Variants in FANCG observed in about 807,000 individuals in gnomAD.
FANCG encodes FA complementation group G.
FANCG carries 67 observed loss-of-function variants against 73.3 expected under a neutral mutation model. The observed-to-expected ratio is 0.91, with a 90% CI of 0.75 to 1.12. The LOEUF (loss-of-function observed/expected upper bound fraction) is 1.12, where lower values mean the gene tolerates loss of function less well. Ranked by LOEUF, FANCG falls within the 50% of genes most tolerant of loss-of-function variation. The pLI is 0.00. For missense variants in FANCG, 643 were observed against 735.6 expected, an observed-to-expected ratio of 0.87 and a Z score of 1.46; for synonymous variants, 297 against 311.6, an observed-to-expected ratio of 0.95 and a Z score of 0.49.
At chr9:35,075,348 G>T in intron 10 of FANCG, 23 bp from the exon 11 acceptor site, 1 of 1,613,982 alleles carries the variant, frequency 6.2e-7, no homozygotes, top group Non-Finnish European at 8.5e-7. Flanking sequence ...ACAGAACAGG[G>T]GTGAAGAGGA....
chr9:35,075,346 G>C, intron 10 of FANCG, 21 bp from the exon 11 acceptor site: 1 of 1,614,108 alleles, frequency 6.2e-7, no homozygotes, highest in Non-Finnish European at 8.5e-7. Context: ...ACACAGAACA[G>C]GGGTGAAGAG....
Position 35,078,300 on chromosome 9 carries a change from C to T in FANCG, c.351G>A (p.Gly117=), listed in dbSNP as rs1829123308. ...QEQQGPRLEQ[G]LRELWDSVLR... Reference sequence around the variant, plus strand: ...GGACAGAGTCCCACAGCTCCCTGAGCCCCTGTTCCAACCTGGGCCCCTGCT... The same window carrying T: ...GGACAGAGTCCCACAGCTCCCTGAGTCCCTGTTCCAACCTGGGCCCCTGCT... Residue 117 remains glycine, a synonymous_variant, in exon 4 of 14, where the codon GGG becomes GGA. Coordinates refer to ENST00000378643, the MANE Select transcript of FANCG (RefSeq NM_004629.2). The T allele has an allele frequency of 6.2e-7, 1 of 1,613,964 alleles. No homozygotes were observed. Among genetic ancestry groups the T allele is most frequent in the Non-Finnish European group, 8.5e-7 (1 of 1,180,026 alleles).
chr9:35,074,420 A>T lies in FANCG; in HGVS notation c.1711T>A (p.Trp571Arg), dbSNP rs1296105502. 2 of 1,614,086 alleles carry T rather than the reference A, an allele frequency of 1.2e-6. No individual in the cohort carries two copies. The highest frequency in any genetic ancestry group is 1.3e-5 in the African/African-American group (1 of 74,938). Residue 571 changes from tryptophan (W) to arginine (R), a missense_variant, in exon 13 of 14, where the codon TGG becomes AGG. By Grantham distance (101) the Trp-to-Arg change is moderately radical. Transcript: ENST00000378643. The part of the protein sequence containing the change: ...LDRRDEATAL[W>R]WRLEAQTKGS... The stretch of plus-strand genomic sequence containing the variant: ...TTAGTTTGGGCCTCCAGCCTCCACC[A>T]GAGTGCAGTGGCCTCATCCCTCCGA...
intron 4 of FANCG, chr9:35,077,848 C>A: frequency 2.1e-6 from 1 of 480,734 alleles, no homozygotes; most frequent in Non-Finnish European, 3.8e-6. Context: ...TCACAACTCA[C>A]TGTTGCCTCC....
rs1351998495 is a variant in FANCG, at chr9:35,077,004, C to T, written c.744G>A (p.Val248=). 2 of 1,614,254 alleles carry T rather than the reference C, an allele frequency of 1.2e-6. No individual in the cohort carries two copies. Among genetic ancestry groups the T allele is most frequent in the African/African-American group, 1.3e-5 (1 of 75,056 alleles). Residue 248 remains valine (V), a synonymous_variant, in exon 6 of 14, where the codon GTG becomes GTA. Transcript: ENST00000378643. The part of the protein sequence containing the change: ...GLCPRPVLVQ[V]YTALGSCHRK... The stretch of plus-strand genomic sequence containing the variant: ...GGTGACAGGACCCCAGTGCTGTGTA[C>T]ACCTGGACCAACACAGGCCGTGGAC...
Position 35,075,065 on chromosome 9 carries a change from C to T in FANCG, c.1498G>A (p.Glu500Lys), listed in dbSNP as rs906734281. Reference sequence around the variant, plus strand: ...GCCGCATCTGACTTACATCCCTGCTCACAGTTGAAAGCTGCCCCTGGGGAC... The same window carrying T: ...GCCGCATCTGACTTACATCCCTGCTTACAGTTGAAAGCTGCCCCTGGGGAC... The part of the protein sequence containing the change: ...EKEQGAAFNC[E>K]QGCKSDAALQ... Residue 500 changes from glutamate (E) to lysine (K), a missense_variant, in exon 12 of 14, where the codon GAG becomes AAG. Physicochemically the swap from Glu to Lys is moderately conservative, Grantham distance 56 (BLOSUM62 1). Coordinates refer to ENST00000378643, the MANE Select transcript of FANCG (RefSeq NM_004629.2). The T allele has an allele frequency of 3.0e-5, 48 of 1,614,030 alleles. No individual in the cohort carries two copies. Among genetic ancestry groups the T allele is most frequent in the Non-Finnish European group, 3.8e-5 (45 of 1,180,040 alleles).
rs1829146592 is a variant in FANCG at position 35,079,583 on chromosome 9, G to A, written c.-59C>T. ...GACTTAGGAAGGGTGAAGCTGGCCT[G>A]CCCAAGCTCCCAACCCCAGCGGGGA... On this transcript the variant is annotated 5_prime_UTR_variant, in exon 1 of 14. Coordinates refer to ENST00000378643, the MANE Select transcript of FANCG (RefSeq NM_004629.2). 2 of 1,565,984 alleles carry A rather than the reference G, an allele frequency of 1.3e-6. No homozygotes were observed. Among genetic ancestry groups the A allele is most frequent in the Admixed American group, 3.3e-5 (2 of 59,968 alleles).
At chr9:35,079,333 G>A in intron 1 of FANCG, 92 bp from the exon 2 acceptor site, 1 of 1,550,420 alleles carries the variant, frequency 6.4e-7, no homozygotes, top group South Asian at 1.1e-5. Flanking sequence ...GTCATTTCTG[G>A]CTCTTTGGTC....
chr9:35,074,781 G>A, intron 12 of FANCG, 146 bp downstream of exon 12: 1 of 1,064,998 alleles, frequency 9.4e-7, no homozygotes, highest in South Asian at 1.3e-5. Context: ...TTGAACACCT[G>A]GATATATCCC....
In FANCG at chr9:35,074,454, C is replaced by T. The variant is rs779403243; in HGVS notation, c.1677G>A (p.Lys559=). 2.0e-5 allele frequency: 32 copies of T among 1,614,076 alleles called. No individual in the cohort carries two copies. The Middle Eastern group carries it at 3.8e-3, about 191-fold the overall frequency. ...TGGCCTCATCCCTCCGATCTAGCCTCTTCAGAGTCTGAAGCAGGTGAAAGT... is the reference window on the plus strand; with the variant it reads ...TGGCCTCATCCCTCCGATCTAGCCTTTTCAGAGTCTGAAGCAGGTGAAAGT... ...DTYFHLLQTL[K]RLDRRDEATA... The change falls in exon 13 of 14, where the codon AAG becomes AAA. Residue 559 remains lysine, a synonymous_variant. Transcript: ENST00000378643.
intron 12 of FANCG, 105 bp downstream of exon 12, chr9:35,074,822 C>T (rs1020462864): frequency 4.2e-6 from 6 of 1,425,468 alleles, no homozygotes; most frequent in Middle Eastern, 3.5e-4. Context: ...CCAATCACCC[C>T]TCCTGTCTGA....
chr9:35,074,438 C>T lies in FANCG; in HGVS notation c.1693G>A (p.Asp565Asn). The change falls in exon 13 of 14, where the codon GAT (aspartate) becomes AAT (asparagine). Residue 565 changes from aspartate (D) to asparagine (N), a missense_variant. By Grantham distance (23) the Asp-to-Asn change is conservative. Transcript: ENST00000378643. ...CTCCACCAGAGTGCAGTGGCCTCATCCCTCCGATCTAGCCTCTTCAGAGTC... is the reference window on the plus strand; with the variant it reads ...CTCCACCAGAGTGCAGTGGCCTCATTCCTCCGATCTAGCCTCTTCAGAGTC... ...LQTLKRLDRR[D>N]EATALWWRLE... The T allele has an allele frequency of 1.9e-6, 3 of 1,614,168 alleles. No homozygotes were observed. Among genetic ancestry groups the T allele is most frequent in the Non-Finnish European group, 2.5e-6 (3 of 1,180,030 alleles).
At chr9:35,078,461 T>C in intron 3 of FANCG, 118 bp from the exon 4 acceptor site, 5 of 1,507,552 alleles carry the variant, frequency 3.3e-6, no homozygotes, top group Non-Finnish European at 4.6e-6. Context: ...ACAATAATAA[T>C]ACCTCAACCT....
At position 35,077,105 on chromosome 9, in the gene FANCG, A is replaced by G. The variant is rs1436051790; in HGVS notation, c.647-4T>C. The G allele has an allele frequency of 6.2e-7, 1 of 1,614,146 alleles. No individual in the cohort carries two copies. Among genetic ancestry groups the G allele is most frequent in the South Asian group, 1.1e-5 (1 of 91,084 alleles). On this transcript the variant is annotated splice_region_variant and splice_polypyrimidine_tract_variant and intron_variant, in intron 5 of 13. Coordinates refer to ENST00000378643, the MANE Select transcript of FANCG (RefSeq NM_004629.2). ...CCTGTGATCAGCTCCTGGAGACCTG[A>G]GGACAGTCAGGGTGTGAGCTTGGAG...
intron 3 of FANCG, 77 bp downstream of exon 3, chr9:35,078,528 A>G (rs1829127464): frequency 1.9e-6 from 3 of 1,599,912 alleles, no homozygotes; most frequent in Non-Finnish European, 2.6e-6. Flanking sequence ...GATGTTGTTT[A>G]TCCTCCCATC....
intron 13 of FANCG, 73 bp downstream of exon 13, chr9:35,074,298 C>T (rs1425011700): frequency 1.2e-6 from 2 of 1,613,356 alleles, no homozygotes; most frequent in Non-Finnish European, 8.5e-7. Context: ...CAGTGTTCAC[C>T]ACCCACAATA....
In FANCG at chr9:35,075,719, C is replaced by T; in HGVS notation, c.1179G>A (p.Met393Ile). Residue 393 changes from methionine (M) to isoleucine (I), a missense_variant, in exon 10 of 14, where the codon ATG becomes ATA. Transcript: ENST00000378643. ...SPPPSPPGPC[M>I]PEVFLEAAVA... Reference sequence around the variant, plus strand: ...CCGCTGCCTCCAAAAACACCTCAGGCATACAGGGCCCTGGAGGGGAGGGGG... The same window carrying T: ...CCGCTGCCTCCAAAAACACCTCAGGTATACAGGGCCCTGGAGGGGAGGGGG... 1 of 1,587,228 alleles carries T rather than the reference C, an allele frequency of 6.3e-7. No individual in the cohort carries two copies. The highest frequency in any genetic ancestry group is 8.6e-7 in the Non-Finnish European group (1 of 1,169,102).
chr9:35,077,931 C>T, intron 4 of FANCG: 1 of 601,916 alleles, frequency 1.7e-6, no homozygotes. Context: ...AGCCACCATG[C>T]CTGTCCAATT....
rs587778346 is a variant in FANCG at position 35,078,716 on chromosome 9, C to G, written c.196G>C (p.Val66Leu). 1 of 1,614,146 alleles carries G rather than the reference C, an allele frequency of 6.2e-7. No individual in the cohort carries two copies. Among genetic ancestry groups the G allele is most frequent in the Middle Eastern group, 1.6e-4 (1 of 6,062 alleles). ...SLQGLPAAVP[V>L]LPLELTVTCN... ...GTGACAGTCAGCTCCAAGGGAAGAA[C>G]AGGAACAGCTGCAGGGAGCCCTGGA... Residue 66 changes from valine to leucine, a missense_variant, in exon 3 of 14, where the codon GTT becomes CTT. By Grantham distance (32) the Val-to-Leu change is conservative. Transcript: ENST00000378643.
Sources: allele counts gnomAD v4.1 joint callset, GRCh38; gene constraint gnomAD v4.1.1; transcripts MANE v1.5; gene names NCBI Gene and HGNC (gene_info 2026-07-23, HGNC 2026-07-21).